The following PTPRD variants were observed in gnomAD, a reference collection of about 807,000 sequenced individuals.
The protein encoded by PTPRD is receptor-type tyrosine-protein phosphatase delta.
In PTPRD, 34 loss-of-function variants were observed where a neutral mutation model predicts 214.5. The ratio of observed to expected loss-of-function variants is 0.16; its 90% confidence interval spans 0.12 to 0.21. The LOEUF is 0.21. PTPRD is among the 10% of genes least tolerant of loss of function. The pLI is 1.00. For missense variants in PTPRD, 2,545 were observed against 2,398.7 expected, an observed-to-expected ratio of 1.06 and a Z score of -1.27; for synonymous variants, 1,128 against 845.7, an observed-to-expected ratio of 1.33 and a Z score of -5.79.
intron 3 of PTPRD, among the ~76,000 whole-genome samples, chr9:10,225,731 C>T (rs2099586764): frequency 6.6e-6 from 1 of 152,026 alleles, no homozygotes. Flanking sequence ...GCCTCAACTG[C>T]AAGAGCATTA....
intron 11 of PTPRD, among the ~76,000 whole-genome samples, chr9:8,890,675 T>C (rs1192194678): frequency 6.6e-6 from 1 of 152,196 alleles, no homozygotes; most frequent in African/African-American, 2.4e-5. Context: ...TATTTTGTGG[T>C]ATATTTTACT....
rs144711302 is a variant in PTPRD at position 10,036,951 on chromosome 9, A to G, written c.-544-3161T>C. On this transcript the variant is annotated intron_variant, in intron 3 of 45. Coordinates refer to ENST00000381196, the MANE Select transcript of PTPRD (RefSeq NM_002839.4). ...TCAAGGTGAGTGCAGTGGCATGATC[A>G]TGGTTTACTGCAGCTTCAATCTCCC... is the stretch of plus-strand genomic sequence containing the variant. Among the ~76,000 whole-genome samples, 78 of 152,052 alleles carry G rather than the reference A, an allele frequency of 5.1e-4. 1 individual carries two copies. The highest frequency in any genetic ancestry group is 1.8e-3 in the African/African-American group (75 of 41,476).
intron 2 of PTPRD, among the ~76,000 whole-genome samples, chr9:10,431,136 G>C (rs1358997057): frequency 6.6e-6 from 1 of 151,836 alleles, no homozygotes; most frequent in African/African-American, 2.4e-5. Flanking sequence ...AGCTCTAAAA[G>C]TCTCCTTTTA....
chr9:10,507,370 T>C (rs2046358817), intron 2 of PTPRD, among the ~76,000 whole-genome samples: 1 of 152,132 alleles, frequency 6.6e-6, no homozygotes, highest in African/African-American at 2.4e-5. Flanking sequence ...ATGGCCATAT[T>C]GCCCAAGGTA....
At chr9:10,036,733 G>A (rs1310053460) in intron 3 of PTPRD, among the ~76,000 whole-genome samples, 1 of 151,788 alleles carries the variant, frequency 6.6e-6, no homozygotes, top group Non-Finnish European at 1.5e-5. Context: ...ACAGGCACGT[G>A]CCACCACACC....
intron 35 of PTPRD, among the ~76,000 whole-genome samples, chr9:8,431,349 A>G (rs2095040347): frequency 6.6e-6 from 1 of 152,172 alleles, no homozygotes; most frequent in South Asian, 2.1e-4. Flanking sequence ...GAAAGCACAA[A>G]GATGAAAGCT....
chr9:8,861,562 G>T (rs2098106687), intron 11 of PTPRD: 1 of 152,086 alleles, frequency 6.6e-6, no homozygotes, highest in Admixed American at 6.5e-5. Context: ...TTATATAAGT[G>T]AGGAAACAGG....
chr9:8,356,783 G>A, intron 39 of PTPRD, among the ~76,000 whole-genome samples: 1 of 151,776 alleles, frequency 6.6e-6, no homozygotes, highest in East Asian at 1.9e-4. Context: ...AACACAGGCA[G>A]GAAAAAAATA....
chr9:10,365,925 C>A (rs926369372), intron 2 of PTPRD, among the ~76,000 whole-genome samples: 1 of 152,120 alleles, frequency 6.6e-6, no homozygotes, highest in African/African-American at 2.4e-5. Flanking sequence ...CCCAAAATAT[C>A]CTCTACTCTG....
chr9:10,179,828 T>C (rs561781238), intron 3 of PTPRD, among the ~76,000 whole-genome samples: 17 of 152,088 alleles, frequency 1.1e-4, no homozygotes, highest in Non-Finnish European at 2.2e-4. Context: ...AAGCCTACAG[T>C]TGACTAGAAG....
At chr9:9,037,435 C>T (rs1220638561) in intron 10 of PTPRD, among the ~76,000 whole-genome samples, 2 of 152,186 alleles carry the variant, frequency 1.3e-5, no homozygotes, top group South Asian at 2.1e-4. Context: ...TGACCTTCTC[C>T]AGGGTGAACT....
At chr9:8,866,713 G>T (rs1377807791) in intron 11 of PTPRD, among the ~76,000 whole-genome samples, 2 of 152,078 alleles carry the variant, frequency 1.3e-5, no homozygotes, top group African/African-American at 4.8e-5. Flanking sequence ...TACTCAGCCA[G>T]AAAGTTTTCT....
intron 3 of PTPRD, among the ~76,000 whole-genome samples, chr9:10,307,511 T>C (rs2154413999): frequency 6.6e-6 from 1 of 152,260 alleles, no homozygotes; most frequent in South Asian, 2.1e-4. Flanking sequence ...TAAATAGAGC[T>C]ACAATATACA....
At chr9:10,378,668 G>A (rs1428697543) in intron 2 of PTPRD, among the ~76,000 whole-genome samples, 1 of 151,836 alleles carries the variant, frequency 6.6e-6, no homozygotes, top group African/African-American at 2.4e-5. Flanking sequence ...TTGTTCCATT[G>A]GTCTATGTGT....
At chr9:8,968,856 G>A (rs1217919168) in intron 11 of PTPRD, among the ~76,000 whole-genome samples, 1 of 151,984 alleles carries the variant, frequency 6.6e-6, no homozygotes, top group Non-Finnish European at 1.5e-5. Flanking sequence ...AAGAAAGAAT[G>A]GATTTTGTAA....
chr9:10,506,749 C>G (rs1311373688), intron 2 of PTPRD, among the ~76,000 whole-genome samples: 1 of 152,124 alleles, frequency 6.6e-6, no homozygotes, highest in Admixed American at 6.6e-5. Flanking sequence ...ATGGCCTTCA[C>G]TCTGTTAAAG....
intron 7 of PTPRD, among the ~76,000 whole-genome samples, chr9:9,732,702 G>C (rs1182480520): frequency 5.3e-5 from 8 of 152,096 alleles, no homozygotes; most frequent in African/African-American, 1.9e-4. Flanking sequence ...CTTTCCATTT[G>C]CAGAAAGTGC....
chr9:9,158,525 G>C (rs944840211), intron 10 of PTPRD, among the ~76,000 whole-genome samples: 1 of 152,008 alleles, frequency 6.6e-6, no homozygotes, highest in Non-Finnish European at 1.5e-5. Context: ...GCTTGAACCC[G>C]GTAGGCAGAG....
chr9:8,868,327 T>C (rs909300977), intron 11 of PTPRD, among the ~76,000 whole-genome samples: 6 of 152,126 alleles, frequency 3.9e-5, no homozygotes, highest in African/African-American at 1.4e-4. Context: ...GCCTCCCGAG[T>C]AGCTGGGATT....
Sources: gnomAD v4.1 joint callset for allele counts (sites outside exome capture counted in the v4.1 genomes callset) on GRCh38, gnomAD v4.1.1 for gene constraint, MANE v1.5 for transcripts, NCBI Gene and HGNC (gene_info 2026-07-23, HGNC 2026-07-21) for gene names.